The following XYLT1 variants were observed in gnomAD, a reference collection of about 807,000 sequenced individuals.
XYLT1 encodes beta-D-xylosyltransferase 1.
In XYLT1, 36 loss-of-function variants were observed where a neutral mutation model predicts 91.3. That is an observed-to-expected ratio of 0.39 (90% confidence interval 0.30 to 0.52). The LOEUF is 0.52. XYLT1 is among the 20% of genes least tolerant of loss of function. The probability of loss-of-function intolerance (pLI) is 0.68; values close to 1 mark genes in which losing one functional copy is unlikely to be tolerated. For synonymous variants in XYLT1, 588 were observed against 532.0 expected (o/e 1.11, Z -1.45); for missense variants, 1,242 against 1,284.5 (o/e 0.97, Z 0.51).
At chr16:17,316,339 A>G (rs934086588) in intron 2 of XYLT1, among the ~76,000 whole-genome samples, 1 of 152,180 alleles carries the variant, frequency 6.6e-6, no homozygotes, top group Non-Finnish European at 1.5e-5. Flanking sequence ...CTCCCCCTCC[A>G]TGCAGATTTG....
At chr16:17,236,308 ATG>A (rs1467406385) in intron 3 of XYLT1, among the ~76,000 whole-genome samples, 7 of 152,158 alleles carry the variant, frequency 4.6e-5, no homozygotes, top group Non-Finnish European at 1.0e-4. Context: ...GAAAGTGAGC[ATG>A]TGTAGGGTCT....
chr16:17,386,489 A>T (rs1246531839), intron 1 of XYLT1, among the ~76,000 whole-genome samples: 2 of 152,182 alleles, frequency 1.3e-5, no homozygotes, highest in East Asian at 3.8e-4. Flanking sequence ...TAGATACTTG[A>T]TGGAGAGGTG....
chr16:17,324,469 T>A (rs991010885), intron 2 of XYLT1, among the ~76,000 whole-genome samples: 1 of 152,158 alleles, frequency 6.6e-6, no homozygotes, highest in Non-Finnish European at 1.5e-5. Context: ...CCCAGTCTAC[T>A]GCAGGGTGCT....
At chr16:17,251,944 C>T (rs2033547229) in intron 3 of XYLT1, among the ~76,000 whole-genome samples, 1 of 151,554 alleles carries the variant, frequency 6.6e-6, no homozygotes, top group Admixed American at 6.6e-5. Flanking sequence ...AGGGAGGGGG[C>T]TGGGGAGGAC....
intron 3 of XYLT1, among the ~76,000 whole-genome samples, chr16:17,218,680 A>G (rs545231623): frequency 6.6e-5 from 10 of 152,122 alleles, no homozygotes; most frequent in Non-Finnish European, 1.0e-4. Flanking sequence ...TCCGGCCCCC[A>G]TCTCCCTCCA....
At chr16:17,403,947 G>A (rs570462410) in intron 1 of XYLT1, among the ~76,000 whole-genome samples, 1 of 152,310 alleles carries the variant, frequency 6.6e-6, no homozygotes, top group African/African-American at 2.4e-5. Flanking sequence ...GGCCAGGTGG[G>A]AGCCATCCAC....
chr16:17,342,873 T>C (rs1045152702), intron 2 of XYLT1, among the ~76,000 whole-genome samples: 2 of 152,228 alleles, frequency 1.3e-5, no homozygotes, highest in Admixed American at 1.3e-4. Context: ...TTGAATACAC[T>C]GATCAATATT....
At chr16:17,169,838 C>A (rs1393983593) in intron 5 of XYLT1, among the ~76,000 whole-genome samples, 2 of 152,122 alleles carry the variant, frequency 1.3e-5, no homozygotes, top group Non-Finnish European at 2.9e-5. Context: ...TGATTACAGC[C>A]AGTTATTTGA....
chr16:17,470,104 T>C lies in XYLT1; in HGVS notation c.363+330A>G, dbSNP rs544211030. Among the ~76,000 whole-genome samples the C allele has an allele frequency of 4.6e-5, 7 of 152,182 alleles. No homozygotes were observed. The South Asian group carries it at 6.2e-4, about 14-fold the overall frequency. Reference sequence around the variant, plus strand: ...AGGCAGGGAGCGAGTCACCAAGACCTACACGCACGGAGCAAGTCACCTGGG... The same window carrying C: ...AGGCAGGGAGCGAGTCACCAAGACCCACACGCACGGAGCAAGTCACCTGGG... On this transcript the variant is annotated intron_variant, in intron 1 of 11. Coordinates refer to ENST00000261381, the MANE Select transcript of XYLT1 (RefSeq NM_022166.4).
chr16:17,118,222 C>T (rs2029919158), intron 10 of XYLT1, among the ~76,000 whole-genome samples: 1 of 152,058 alleles, frequency 6.6e-6, no homozygotes, highest in South Asian at 2.1e-4. Context: ...CCTCCTGTGC[C>T]TGGTGTATGG....
intron 3 of XYLT1, among the ~76,000 whole-genome samples, chr16:17,226,727 G>A (rs943500900): frequency 1.3e-5 from 2 of 149,690 alleles, no homozygotes; most frequent in East Asian, 2.0e-4. Flanking sequence ...AGATTGCAGT[G>A]AGCCGAGATC....
chr16:17,258,303 G>A (rs1037813996), intron 3 of XYLT1, among the ~76,000 whole-genome samples: 4 of 150,444 alleles, frequency 2.7e-5, no homozygotes, highest in Non-Finnish European at 5.9e-5. Flanking sequence ...GAGGAAAGGA[G>A]AGAGAAAGAA....
intron 2 of XYLT1, among the ~76,000 whole-genome samples, chr16:17,332,419 G>A (rs141725692): frequency 0.045 from 6,886 of 152,006 alleles, 553 homozygotes; most frequent in African/African-American, 0.16. Flanking sequence ...AAAATTAGCC[G>A]GGCGTGGTGG....
intron 1 of XYLT1, chr16:17,369,844 G>A (rs1456236533): frequency 2.0e-5 from 3 of 152,222 alleles, no homozygotes; most frequent in Non-Finnish European, 4.4e-5. Context: ...AGCTGCCTGT[G>A]AACAGCCTGG....
At chr16:17,244,394 A>C (rs559465151) in intron 3 of XYLT1, among the ~76,000 whole-genome samples, 1 of 152,134 alleles carries the variant, frequency 6.6e-6, no homozygotes, top group Non-Finnish European at 1.5e-5. Context: ...AAACCTGAAG[A>C]GGGATCCCAG....
rs1966791489 is a variant in XYLT1, at chr16:17,107,370, C to G, written c.*1325G>C. On this transcript the variant is annotated 3_prime_UTR_variant, in exon 12 of 12. Coordinates refer to ENST00000261381, the MANE Select transcript of XYLT1 (RefSeq NM_022166.4). Reference sequence around the variant, plus strand: ...GGTGGGATTACAGGAGCAAGGGAGGCCTCCTGCGAAGAGCTCTCCTGGTGA... The same window carrying G: ...GGTGGGATTACAGGAGCAAGGGAGGGCTCCTGCGAAGAGCTCTCCTGGTGA... 6.6e-6 allele frequency: 1 copy of G among 152,176 alleles called. No homozygotes were observed. Among genetic ancestry groups the G allele is most frequent in the South Asian group, 2.1e-4 (1 of 4,824 alleles). 9.4% of individuals were successfully genotyped at this position (152,176 alleles called of 1,614,324 possible). A position where few individuals can be genotyped will look rare whatever the true frequency, so the allele number is the denominator to read the frequency against.
chr16:17,317,621 C>T lies in XYLT1; in HGVS notation c.402+40391G>A, dbSNP rs560805852. 1.8e-3 allele frequency among the ~76,000 whole-genome samples: 173 copies of T among 98,332 alleles called. 1 individual carries two copies. Among genetic ancestry groups the T allele is most frequent in the Middle Eastern group, 9.8e-3 (1 of 102 alleles). 64.5% of individuals were successfully genotyped at this position (98,332 alleles called of 152,430 possible). On this transcript the variant is annotated intron_variant, in intron 2 of 11. Coordinates refer to ENST00000261381, the MANE Select transcript of XYLT1 (RefSeq NM_022166.4). The stretch of plus-strand genomic sequence containing the variant: ...CTCCAGCCTGGGCCACGGTGGGAGA[C>T]GCTGTCTCAAAAAAAAAAAAAAAAA...
intron 1 of XYLT1, among the ~76,000 whole-genome samples, chr16:17,441,165 C>T (rs2036527100): frequency 1.3e-5 from 2 of 151,828 alleles, no homozygotes; most frequent in Non-Finnish European, 2.9e-5. Context: ...CAGAACGCCT[C>T]CCAGGTTCAA....
At chr16:17,341,430 G>A (rs2035062344) in intron 2 of XYLT1, among the ~76,000 whole-genome samples, 1 of 152,118 alleles carries the variant, frequency 6.6e-6, no homozygotes, top group Non-Finnish European at 1.5e-5. Context: ...AAGATAGAGA[G>A]GAAAAGCAAG....
Sources: gnomAD v4.1 joint callset for allele counts (sites outside exome capture counted in the v4.1 genomes callset) on GRCh38, gnomAD v4.1.1 for gene constraint, MANE v1.5 for transcripts, NCBI Gene and HGNC (gene_info 2026-07-23, HGNC 2026-07-21) for gene names.